XPO7: variants seen among roughly 807,000 people sequenced by gnomAD.
XPO7 encodes exportin-7.
XPO7 carries 21 observed loss-of-function variants against 144.3 expected under a neutral mutation model. The ratio of observed to expected loss-of-function variants is 0.15; its 90% confidence interval spans 0.10 to 0.21. The LOEUF (loss-of-function observed/expected upper bound fraction) is 0.21. Among genes scored for constraint, XPO7 ranks in the 10% least tolerant of loss-of-function variants. The probability of loss-of-function intolerance (pLI) is 1.00; values close to 1 mark genes in which losing one functional copy is unlikely to be tolerated. For missense variants in XPO7, 808 were observed against 1,325.8 expected (o/e 0.61, Z 6.06); for synonymous variants, 580 against 499.6 (o/e 1.16, Z -2.15).
chr8:21,936,741 C>A lies in XPO7; in HGVS notation c.18+16953C>A, dbSNP rs1810833569. Among the ~76,000 whole-genome samples, 4 of 152,148 alleles carry A rather than the reference C, an allele frequency of 2.6e-5. No individual in the cohort carries two copies. In the South Asian group the frequency reaches 8.3e-4, roughly 32 times the overall value. On this transcript the variant is annotated intron_variant, in intron 1 of 27. Coordinates refer to ENST00000252512, the MANE Select transcript of XPO7 (RefSeq NM_015024.5). ...TTACTTTGGTTAACTGGGCAGTTCC[C>A]AAACTGGAATTTTTTTATCATGTAA... is the stretch of plus-strand genomic sequence containing the variant.
At chr8:21,949,074 A>C (rs1030980577) in intron 1 of XPO7, among the ~76,000 whole-genome samples, 2 of 152,234 alleles carry the variant, frequency 1.3e-5, no homozygotes, top group African/African-American at 4.8e-5. Flanking sequence ...TTAGTTTTCT[A>C]AAGGTTTGTT....
intron 1 of XPO7, among the ~76,000 whole-genome samples, chr8:21,947,004 TACCAGC>T (rs1408713158): frequency 6.6e-6 from 1 of 152,232 alleles, no homozygotes; most frequent in African/African-American, 2.4e-5. Flanking sequence ...CTAAGTTTAC[TACCAGC>T]ACATCTTTAC....
chr8:21,952,448 A>G (rs545773723), intron 1 of XPO7, among the ~76,000 whole-genome samples: 5 of 152,348 alleles, frequency 3.3e-5, no homozygotes, highest in South Asian at 2.1e-4. Context: ...TATATAAAAT[A>G]GAAGACTCAT....
chr8:21,933,066 A>T (rs1407085754), intron 1 of XPO7, among the ~76,000 whole-genome samples: 1 of 151,178 alleles, frequency 6.6e-6, no homozygotes, highest in African/African-American at 2.4e-5. Flanking sequence ...GTTTTAGAAC[A>T]TGATGGAAAT....
At chr8:21,934,130 T>C (rs917778121) in intron 1 of XPO7, among the ~76,000 whole-genome samples, 5 of 152,234 alleles carry the variant, frequency 3.3e-5, no homozygotes, top group African/African-American at 7.2e-5. Context: ...GTAGTTCTTA[T>C]AGATACTCAG....
intron 1 of XPO7, chr8:21,921,510 C>G (rs1347118465): frequency 6.6e-6 from 1 of 152,018 alleles, no homozygotes; most frequent in Non-Finnish European, 1.5e-5. Flanking sequence ...TGCTGTTTCC[C>G]GTAAAGAAAT....
At chr8:21,925,807 G>A (rs1233084507) in intron 1 of XPO7, among the ~76,000 whole-genome samples, 1 of 152,148 alleles carries the variant, frequency 6.6e-6, no homozygotes, top group East Asian at 1.9e-4. Context: ...CAATTCATAT[G>A]TACATGTTTG....
At chr8:21,920,883 T>A (rs1252471636) in intron 1 of XPO7, among the ~76,000 whole-genome samples, 3 of 152,220 alleles carry the variant, frequency 2.0e-5, no homozygotes, top group African/African-American at 7.2e-5. Context: ...GTAAGAAGAA[T>A]GATCTCATTC....
chr8:21,995,132 C>T (rs1429246959), intron 20 of XPO7, among the ~76,000 whole-genome samples: 1 of 151,870 alleles, frequency 6.6e-6, no homozygotes, highest in African/African-American at 2.4e-5. Flanking sequence ...GACTTCATAC[C>T]CTTGTGAAGA....
chr8:21,985,757 C>T (rs1289796159), intron 13 of XPO7, 66 bp downstream of exon 13: 1 of 1,388,860 alleles, frequency 7.2e-7, no homozygotes, highest in Admixed American at 1.7e-5. Flanking sequence ...CCGATAGGGT[C>T]CTCTCCACTT....
At chr8:21,976,066 CT>C (rs1263933168) in intron 6 of XPO7, among the ~76,000 whole-genome samples, 1 of 152,214 alleles carries the variant, frequency 6.6e-6, no homozygotes, top group African/African-American at 2.4e-5. Context: ...TCAGAATTCT[CT>C]GTGACCATTA....
At chr8:21,967,590 C>G (rs886346526) in intron 2 of XPO7, among the ~76,000 whole-genome samples, 1 of 152,124 alleles carries the variant, frequency 6.6e-6, no homozygotes, top group Non-Finnish European at 1.5e-5. Context: ...GCCTCGGCCT[C>G]CCAAAGTGAT....
intron 8 of XPO7, among the ~76,000 whole-genome samples, chr8:21,979,717 T>C (rs1252029497): frequency 6.6e-6 from 1 of 152,228 alleles, no homozygotes; most frequent in African/African-American, 2.4e-5. Context: ...GATACGCTTA[T>C]TTCTTTATAG....
chr8:21,974,592 T>TA (rs1812167901), intron 5 of XPO7, 78 bp from the exon 6 acceptor site: 2 of 945,400 alleles, frequency 2.1e-6, no homozygotes, highest in Admixed American at 2.9e-5. Flanking sequence ...GAAATCCTTC[T>TA]AGCTTATAGG....
intron 1 of XPO7, among the ~76,000 whole-genome samples, chr8:21,959,930 T>C (rs183590823): frequency 6.6e-6 from 1 of 152,352 alleles, no homozygotes; most frequent in Non-Finnish European, 1.5e-5. Context: ...AAGTTTTACA[T>C]AGTTCCTTGT....
intron 1 of XPO7, among the ~76,000 whole-genome samples, chr8:21,923,443 G>A (rs1263939621): frequency 6.6e-6 from 1 of 152,102 alleles, no homozygotes; most frequent in Non-Finnish European, 1.5e-5. Flanking sequence ...TAATATGTGT[G>A]TATTTTATTT....
chr8:21,924,452 C>G lies in XPO7; in HGVS notation c.18+4664C>G, dbSNP rs529994977. ...ACAGCTACCTGTAGCCCCCCTCCCC[C>G]CCCCACCCCACTAACTACTATCCTG... On this transcript the variant is annotated intron_variant, in intron 1 of 27. Transcript: ENST00000252512. Among the ~76,000 whole-genome samples, 15 of 152,008 alleles carry G rather than the reference C, an allele frequency of 9.9e-5. No individual in the cohort carries two copies. In the East Asian group the frequency reaches 1.4e-3, roughly 14 times the overall value.
At position 21,974,761 on chromosome 8, in the gene XPO7, A is replaced by G. The variant is rs1812174297; in HGVS notation, c.584A>G (p.Asn195Ser). The G allele has an allele frequency of 1.9e-6, 3 of 1,571,296 alleles. No individual in the cohort carries two copies. Among genetic ancestry groups the G allele is most frequent in the Non-Finnish European group, 1.7e-6 (2 of 1,157,120 alleles). Residue 195 changes from asparagine to serine, a missense_variant, in exon 6 of 28, where the codon AAT (asparagine) becomes AGT (serine). By Grantham distance (46) the Asn-to-Ser change is conservative. Transcript: ENST00000252512. ...TTTGATATCTTCACACTTTCCTGCAATTTACTAAAACAGGTGAGCATGTAG... is the reference window on the plus strand; with the variant it reads ...TTTGATATCTTCACACTTTCCTGCAGTTTACTAAAACAGGTGAGCATGTAG... Reference protein sequence around the residue: ...SLFDIFTLSCNLLKQASGKNL... With the variant: ...SLFDIFTLSCSLLKQASGKNL...
chr8:21,969,442 C>T, intron 2 of XPO7, 41 bp from the exon 3 acceptor site: 2 of 1,540,714 alleles, frequency 1.3e-6, no homozygotes, highest in East Asian at 4.5e-5. Flanking sequence ...GACTGGCTTA[C>T]TCAATACAAT....
Sources: allele counts gnomAD v4.1 joint callset (sites outside exome capture counted in the v4.1 genomes callset), GRCh38; gene constraint gnomAD v4.1.1; transcripts MANE v1.5; gene names NCBI Gene and HGNC (gene_info 2026-07-23, HGNC 2026-07-21).